The following SMOC1 variants were observed in gnomAD, a reference collection of about 807,000 sequenced individuals.
SMOC1 encodes SPARC-related modular calcium-binding protein 1.
Under a neutral mutation model 56.3 loss-of-function variants are expected in SMOC1, and 22 were observed. The ratio of observed to expected loss-of-function variants is 0.39; its 90% confidence interval spans 0.28 to 0.56. The LOEUF (loss-of-function observed/expected upper bound fraction) is 0.56. SMOC1 is among the 20% of genes least tolerant of loss of function. SMOC1 has a pLI of 0.61. For missense variants in SMOC1, 509 were observed against 565.4 expected, an observed-to-expected ratio of 0.90 and a Z score of 1.01; for synonymous variants, 193 against 215.0, an observed-to-expected ratio of 0.90 and a Z score of 0.89.
chr14:69,891,058 G>A (rs1477829127), intron 1 of SMOC1, among the ~76,000 whole-genome samples: 1 of 152,140 alleles, frequency 6.6e-6, no homozygotes, highest in Non-Finnish European at 1.5e-5. Flanking sequence ...ATCTAAAGCT[G>A]TACTCATTAT....
chr14:69,959,196 T>C (rs974299334), intron 3 of SMOC1, among the ~76,000 whole-genome samples: 1 of 152,218 alleles, frequency 6.6e-6, no homozygotes, highest in Non-Finnish European at 1.5e-5. Context: ...TCCCAGTAAG[T>C]TACATGCAAC....
intron 7 of SMOC1, among the ~76,000 whole-genome samples, chr14:70,008,117 A>ATTATT (rs149782299): frequency 0.051 from 7,722 of 151,090 alleles, 519 homozygotes; most frequent in African/African-American, 0.15. Context: ...TATCATTTTT[A>ATTATT]TTATTTTATT....
intron 1 of SMOC1, among the ~76,000 whole-genome samples, chr14:69,910,564 G>T (rs908641208): frequency 6.6e-6 from 1 of 151,786 alleles, no homozygotes; most frequent in Admixed American, 6.6e-5. Flanking sequence ...GCCAGAGAAT[G>T]TGGAGAGTGG....
At chr14:69,950,133 A>G (rs1212652908) in intron 1 of SMOC1, among the ~76,000 whole-genome samples, 1 of 152,206 alleles carries the variant, frequency 6.6e-6, no homozygotes, top group East Asian at 1.9e-4. Flanking sequence ...TGGGAGCCCA[A>G]GGTGTCTGAA....
intron 3 of SMOC1, among the ~76,000 whole-genome samples, chr14:69,957,323 C>T (rs929546117): frequency 1.3e-5 from 2 of 152,180 alleles, no homozygotes; most frequent in African/African-American, 4.8e-5. Context: ...GTGTTTTACA[C>T]CCATTAATCT....
intron 1 of SMOC1, chr14:69,885,799 C>G: frequency 6.3e-7 from 1 of 1,590,002 alleles, no homozygotes; most frequent in Non-Finnish European, 8.6e-7. Context: ...CCCGGGCCAA[C>G]AGTCTCTGCT....
At chr14:69,902,473 G>A (rs367844799) in intron 1 of SMOC1, among the ~76,000 whole-genome samples, 1 of 152,140 alleles carries the variant, frequency 6.6e-6, no homozygotes, top group Non-Finnish European at 1.5e-5. Context: ...GACTTGCCTG[G>A]ACTCTTGAAG....
chr14:69,890,381 A>C (rs540952632), intron 1 of SMOC1, among the ~76,000 whole-genome samples: 21 of 152,358 alleles, frequency 1.4e-4, no homozygotes, highest in African/African-American at 5.0e-4. Flanking sequence ...AAAAAGAAAG[A>C]TGGTTTATGT....
chr14:69,942,954 G>C (rs988740447), intron 1 of SMOC1, among the ~76,000 whole-genome samples: 4 of 152,108 alleles, frequency 2.6e-5, no homozygotes, highest in African/African-American at 9.7e-5. Context: ...GTGGCACCTG[G>C]TGTAAGAGAG....
intron 1 of SMOC1, among the ~76,000 whole-genome samples, chr14:69,922,430 G>A (rs1441757249): frequency 1.3e-5 from 2 of 152,156 alleles, no homozygotes; most frequent in Non-Finnish European, 2.9e-5. Context: ...AAGGCTAGCT[G>A]AACTCTTTCT....
chr14:69,895,550 G>A (rs1176829331), intron 1 of SMOC1, among the ~76,000 whole-genome samples: 1 of 152,182 alleles, frequency 6.6e-6, no homozygotes, highest in East Asian at 1.9e-4. Context: ...GAAACCCTTT[G>A]TTTTTGTTGA....
chr14:69,885,335 T>C (rs971651291), intron 1 of SMOC1: 21 of 1,483,306 alleles, frequency 1.4e-5, no homozygotes, highest in Non-Finnish European at 1.9e-5. Flanking sequence ...CTCAACAGTG[T>C]ACATTTAACC....
intron 1 of SMOC1, among the ~76,000 whole-genome samples, chr14:69,919,919 C>A (rs553491248): frequency 6.7e-6 from 1 of 149,860 alleles, no homozygotes; most frequent in Non-Finnish European, 1.5e-5. Flanking sequence ...TACCCCCCCC[C>A]CCCTTTCTCC....
chr14:69,912,792 A>C (rs1884587892), intron 1 of SMOC1, among the ~76,000 whole-genome samples: 1 of 152,082 alleles, frequency 6.6e-6, no homozygotes, highest in African/African-American at 2.4e-5. Context: ...AGAGCCTTGC[A>C]TTCTTTCACC....
chr14:70,027,201 G>A (rs1885959043), intron 11 of SMOC1, among the ~76,000 whole-genome samples: 1 of 152,214 alleles, frequency 6.6e-6, no homozygotes, highest in African/African-American at 2.4e-5. Flanking sequence ...GCCCAGAGAG[G>A]AGTAGCGATT....
intron 1 of SMOC1, among the ~76,000 whole-genome samples, chr14:69,912,138 T>A (rs1884570122): frequency 6.6e-6 from 1 of 152,240 alleles, no homozygotes; most frequent in Non-Finnish European, 1.5e-5. Flanking sequence ...CCAAATGAAG[T>A]CATGTGTATA....
intron 5 of SMOC1, among the ~76,000 whole-genome samples, chr14:69,989,653 C>T (rs1884493043): frequency 6.6e-6 from 1 of 152,174 alleles, no homozygotes; most frequent in South Asian, 2.1e-4. Context: ...CCAGAGTAAA[C>T]TTATTACATG....
chr14:69,983,057 C>T (rs1381158897), intron 5 of SMOC1, among the ~76,000 whole-genome samples: 2 of 152,174 alleles, frequency 1.3e-5, no homozygotes, highest in African/African-American at 4.8e-5. Flanking sequence ...ACCATGTCTC[C>T]CTCCTTCCCA....
intron 1 of SMOC1, among the ~76,000 whole-genome samples, chr14:69,887,745 A>G (rs947491963): frequency 1.3e-5 from 2 of 152,196 alleles, no homozygotes; most frequent in Non-Finnish European, 2.9e-5. Flanking sequence ...GCTCATTTGT[A>G]AAGCTAAGCT....
Sources: gnomAD v4.1 joint callset for allele counts (sites outside exome capture counted in the v4.1 genomes callset) on GRCh38, gnomAD v4.1.1 for gene constraint, MANE v1.5 for transcripts, NCBI Gene and HGNC (gene_info 2026-07-23, HGNC 2026-07-21) for gene names.